The following ZNF416 variants were observed in gnomAD, a reference collection of about 807,000 sequenced individuals.
The protein encoded by ZNF416 is zinc finger protein 416.
In ZNF416, 5 loss-of-function variants were observed where a neutral mutation model predicts 10.9. The observed-to-expected ratio is 0.46, with a 90% CI of 0.24 to 0.97. The LOEUF (loss-of-function observed/expected upper bound fraction) is 0.97. Among genes scored for constraint, ZNF416 ranks in the 50% least tolerant of loss-of-function variants. The probability of loss-of-function intolerance (pLI) is 0.19; values close to 1 mark genes in which losing one functional copy is unlikely to be tolerated. For missense variants in ZNF416, 675 were observed against 715.0 expected (o/e 0.94, Z 0.64); for synonymous variants, 267 against 251.8 (o/e 1.06, Z -0.57).
chr19:57,574,481 G>T (rs1978453255), intron 3 of ZNF416, among the ~76,000 whole-genome samples: 1 of 152,154 alleles, frequency 6.6e-6, no homozygotes, highest in Non-Finnish European at 1.5e-5. Flanking sequence ...CTATGTCACT[G>T]ACATTAACCT....
intron 2 of ZNF416, among the ~76,000 whole-genome samples, chr19:57,576,624 C>A (rs1283816677): frequency 6.6e-6 from 1 of 151,938 alleles, no homozygotes; most frequent in Non-Finnish European, 1.5e-5. Context: ...CTTGCACTAG[C>A]GCTGCACTTG....
rs1330965907 is a variant in ZNF416 at position 57,578,831 on chromosome 19, G to C, written c.-127C>G. ...GGGGCGACCCCCGCTCTGTGCCGGA[G>C]GCAGCGTTTCTAACTCAGGCGGCGT... On this transcript the variant is annotated 5_prime_UTR_variant, in exon 1 of 4. Coordinates refer to ENST00000196489, the MANE Select transcript of ZNF416 (RefSeq NM_017879.3). The C allele has an allele frequency of 1.0e-6, 1 of 989,674 alleles. No individual in the cohort carries two copies. The allele number at this position is 989,674 out of a possible 1,614,324, so 61.3% of individuals were successfully genotyped here. A position where few individuals can be genotyped will look rare whatever the true frequency, so the allele number is the denominator to read the frequency against.
At chr19:57,574,584 G>C (rs766474760) in intron 3 of ZNF416, among the ~76,000 whole-genome samples, 13 of 152,208 alleles carry the variant, frequency 8.5e-5, no homozygotes. Flanking sequence ...ATCAAGGAAT[G>C]AATTCACAGT....
At chr19:57,574,458 A>G (rs927729147) in intron 3 of ZNF416, among the ~76,000 whole-genome samples, 4 of 152,198 alleles carry the variant, frequency 2.6e-5, no homozygotes, top group Non-Finnish European at 5.9e-5. Flanking sequence ...TTGCTACTGC[A>G]GGTGATAAAT....
rs190913412 is a variant in ZNF416 at position 57,575,584 on chromosome 19, G to C, written c.202+220C>G. Among the ~76,000 whole-genome samples the C allele has an allele frequency of 2.0e-5, 3 of 152,272 alleles. No homozygotes were observed. Among genetic ancestry groups the C allele is most frequent in the Non-Finnish European group, 1.5e-5 (1 of 68,032 alleles). On this transcript the variant is annotated intron_variant, in intron 3 of 3. Coordinates refer to ENST00000196489, the MANE Select transcript of ZNF416 (RefSeq NM_017879.3). The surrounding 1 kb of genome is among the most constrained non-coding windows in gnomAD (Gnocchi z 4.4). ...TGAAGAAGTAAACGGAGATGCATTA[G>C]GCTGACTCAAGACACCTAACAGCCA... is the stretch of plus-strand genomic sequence containing the variant.
In ZNF416 at chr19:57,573,146, C is replaced by A. The variant is rs780400032; in HGVS notation, c.758G>T (p.Cys253Phe). The change falls in exon 4 of 4, where the codon TGT becomes TTT. Residue 253 changes from cysteine (C) to phenylalanine (F), a missense_variant. Coordinates refer to ENST00000196489, the MANE Select transcript of ZNF416 (RefSeq NM_017879.3). ...TTGCAGCTGAACAAGGGAGCACTCACAGCAGCAGGCTTTCCCACATTTGCT... is the reference window on the plus strand; with the variant it reads ...TTGCAGCTGAACAAGGGAGCACTCAAAGCAGCAGGCTTTCCCACATTTGCT... Reference protein sequence around the residue: ...ESSKCGKACCCECSLVQLQRV... With the variant: ...ESSKCGKACCFECSLVQLQRV... The A allele has an allele frequency of 1.2e-6, 2 of 1,614,082 alleles. No homozygotes were observed. Among genetic ancestry groups the A allele is most frequent in the Admixed American group, 1.7e-5 (1 of 60,008 alleles).
At chr19:57,578,610 C>G (rs1045975347) in intron 1 of ZNF416, 62 bp downstream of exon 1, 3 of 1,472,638 alleles carry the variant, frequency 2.0e-6, no homozygotes, top group African/African-American at 2.9e-5. Context: ...AGGCGCCCCT[C>G]ATGCAGGGTG....
intron 3 of ZNF416, among the ~76,000 whole-genome samples, chr19:57,574,364 T>C (rs2123394925): frequency 6.6e-6 from 1 of 152,312 alleles, no homozygotes; most frequent in East Asian, 1.9e-4. Flanking sequence ...TGTGGCTTAA[T>C]ATTTTCCCTC....
At chr19:57,578,581 G>A in intron 1 of ZNF416, 91 bp downstream of exon 1, 1 of 1,377,840 alleles carries the variant, frequency 7.3e-7, no homozygotes, top group East Asian at 2.8e-5. Context: ...CTCTAGGGTC[G>A]GGCTGCAGGG....
rs1416224395 is a variant in ZNF416 at position 57,571,968 on chromosome 19, G to C, written c.*151C>G. On this transcript the variant is annotated 3_prime_UTR_variant, in exon 4 of 4. Transcript: ENST00000196489. ...AGACACATATGCCTGGAACTAATGG[G>C]AGTCTGACCCATCGGGAGGTCTAGA... 1.1e-6 allele frequency: 1 copy of C among 945,778 alleles called. No homozygotes were observed. The highest frequency in any genetic ancestry group is 2.4e-5 in the Admixed American group (1 of 42,180). The allele number at this position is 945,778 out of a possible 1,614,324, so 58.6% of individuals were successfully genotyped here.
At chr19:57,576,266 A>T (rs931290470) in intron 2 of ZNF416, among the ~76,000 whole-genome samples, 3 of 152,096 alleles carry the variant, frequency 2.0e-5, no homozygotes, top group African/African-American at 4.8e-5. Flanking sequence ...CATCATTCTT[A>T]TATCCTCAAT....
At chr19:57,578,437 G>A in intron 1 of ZNF416, 1 of 547,432 alleles carries the variant, frequency 1.8e-6, no homozygotes, top group Non-Finnish European at 3.2e-6. Flanking sequence ...TACCATTCGG[G>A]CGTGAACGTT....
rs751050212 is a variant in ZNF416, at chr19:57,573,224, T to C, written c.680A>G (p.Lys227Arg). 1.9e-6 allele frequency: 3 copies of C among 1,614,254 alleles called. No homozygotes were observed. Among genetic ancestry groups the C allele is most frequent in the Non-Finnish European group, 2.5e-6 (3 of 1,180,050 alleles). ...WSQCRRESSHKHTFFHPRVCT... is the reference protein window; with the variant it reads ...WSQCRRESSHRHTFFHPRVCT... ...GACTCTAGGGTGAAAAAAAGTGTGTTTGTGGCTGGACTCTCTCCTGCATTG... is the reference window on the plus strand; with the variant it reads ...GACTCTAGGGTGAAAAAAAGTGTGTCTGTGGCTGGACTCTCTCCTGCATTG... The change falls in exon 4 of 4, where the codon AAA (lysine) becomes AGA (arginine). Residue 227 changes from lysine to arginine, a missense_variant. Transcript: ENST00000196489.
In ZNF416 at chr19:57,572,172, G is replaced by A. The variant is rs769996734; in HGVS notation, c.1732C>T (p.Arg578Cys). ...HRKSHTVERP[R>C]DSSKCGKPYS... ...GGTTTTCCACATTTGCTGCTGTCAC[G>A]AGGCCTCTCCACAGTGTGAGATTTT... Residue 578 changes from arginine (R) to cysteine (C), a missense_variant, in exon 4 of 4, where the codon CGT becomes TGT. Physicochemically the swap from Arg to Cys is radical, Grantham distance 180. Transcript: ENST00000196489. This position sits in a 1 kb window ranked among gnomAD's most constrained non-coding sequence, Gnocchi z 4.5. 3.9e-5 allele frequency: 63 copies of A among 1,613,878 alleles called. 1 individual carries two copies. The highest frequency in any genetic ancestry group is 3.8e-4 in the South Asian group (35 of 91,072).
In ZNF416 at chr19:57,572,283, G is replaced by C. The variant is rs1200529701; in HGVS notation, c.1621C>G (p.Gln541Glu). 1.2e-6 allele frequency: 2 copies of C among 1,614,088 alleles called. No homozygotes were observed. The highest frequency in any genetic ancestry group is 3.3e-5 in the Admixed American group (2 of 60,020). ...FIQKSSLIQH[Q>E]VVHTGERPYE... ...GGCCTTTCTCCTGTGTGAACCACTT[G>C]GTGTTGAATGAGGCTAGACTTTTGG... Residue 541 changes from glutamine to glutamate, a missense_variant, in exon 4 of 4, where the codon CAA becomes GAA. Physicochemically the swap from Gln to Glu is conservative, Grantham distance 29 (BLOSUM62 2). Coordinates refer to ENST00000196489, the MANE Select transcript of ZNF416 (RefSeq NM_017879.3). This position sits in a 1 kb window ranked among gnomAD's most constrained non-coding sequence, Gnocchi z 4.5.
Position 57,573,373 on chromosome 19 carries a change from C to T in ZNF416, c.531G>A (p.Gly177=). 1 of 1,614,238 alleles carries T rather than the reference C, an allele frequency of 6.2e-7. No homozygotes were observed. The change falls in exon 4 of 4, where the codon GGG becomes GGA. Residue 177 remains glycine (G), a synonymous_variant. Transcript: ENST00000196489. ...TGCCCAATGGGGCTAGGAAGTCCTT[C>T]CCAACCTCACTGCTGGTGAAAGGCA... ...SGMPFTSSEV[G]KDFLAPLGIL...
rs550569117 is a variant in ZNF416 at position 57,578,378 on chromosome 19, T to C, written c.34-280A>G. 678 of 563,020 alleles carry C rather than the reference T, an allele frequency of 1.2e-3. 2 individuals are homozygous for C. The highest frequency in any genetic ancestry group is 1.7e-3 in the Non-Finnish European group (548 of 318,596). The allele number at this position is 563,020 out of a possible 1,614,324, so 34.9% of individuals were successfully genotyped here. Reference sequence around the variant, plus strand: ...AACTCAGACCATGTGCCTCGTCTGTTCACAACCACCCATGGCTCTCAGCGT... The same window carrying C: ...AACTCAGACCATGTGCCTCGTCTGTCCACAACCACCCATGGCTCTCAGCGT... On this transcript the variant is annotated intron_variant, in intron 1 of 3. Coordinates refer to ENST00000196489, the MANE Select transcript of ZNF416 (RefSeq NM_017879.3).
rs138550315 is a variant in ZNF416 at position 57,578,676 on chromosome 19, G to A, written c.29C>T (p.Thr10Ile). 535 of 1,556,706 alleles carry A rather than the reference G, an allele frequency of 3.4e-4. No individual in the cohort carries two copies. The Middle Eastern group carries it at 4.6e-3, about 13-fold the overall frequency. The change falls in exon 1 of 4, where the codon ACT (threonine) becomes ATT (isoleucine). Residue 10 changes from threonine (T) to isoleucine (I), a missense_variant. Thr to Ile is a moderately conservative substitution (Grantham distance 89, BLOSUM62 -1). Coordinates refer to ENST00000196489, the MANE Select transcript of ZNF416 (RefSeq NM_017879.3). MAAAVLRDS[T>I]SVPVTAEAKL... ...CCCGGGAGACGCAGCACTCACCGAA[G>A]TCGAATCCCTAAGCACGGCCGCCGC...
chr19:57,578,883 T>A lies in ZNF416; in HGVS notation c.-179A>T, dbSNP rs1442466409. 2 of 506,210 alleles carry A rather than the reference T, an allele frequency of 4.0e-6. No homozygotes were observed. The highest frequency in any genetic ancestry group is 6.6e-6 in the Non-Finnish European group (2 of 301,888). The allele number at this position is 506,210 out of a possible 1,614,324, so 31.4% of individuals were successfully genotyped here. ...GGCCGAGGTAGAGAACCACCAAAAT[T>A]ACCATCTCGGAGCGGTGCCGGAAGT... On this transcript the variant is annotated 5_prime_UTR_variant, in exon 1 of 4. Transcript: ENST00000196489.
Sources: gnomAD v4.1 joint callset for allele counts (sites outside exome capture counted in the v4.1 genomes callset) on GRCh38, gnomAD v4.1.1 for gene constraint, Gnocchi (gnomAD v3.1) non-coding constraint, MANE v1.5 for transcripts, NCBI Gene and HGNC (gene_info 2026-07-23, HGNC 2026-07-21) for gene names.